Variants in NOX1 observed in about 807,000 individuals in gnomAD.
NOX1 encodes NADPH oxidase 1.
A neutral mutation model predicts 42.5 loss-of-function variants in NOX1; 34 were observed. That is an observed-to-expected ratio of 0.80 (90% confidence interval 0.61 to 1.07). The LOEUF (loss-of-function observed/expected upper bound fraction) is 1.07, where lower values mean the gene tolerates loss of function less well. NOX1 is among the 50% of genes least tolerant of loss of function. The probability of loss-of-function intolerance (pLI) is 0.00; values close to 1 mark genes in which losing one functional copy is unlikely to be tolerated. For missense variants in NOX1, 408 were observed against 427.0 expected (o/e 0.96, Z 0.39); for synonymous variants, 143 against 152.5 (o/e 0.94, Z 0.46).
chrX:100,862,767 G>A lies in NOX1; in HGVS notation c.391C>T (p.Gln131Ter), dbSNP rs2147916602. 1.7e-6 allele frequency: 2 copies of A among 1,198,412 alleles called. No homozygotes were observed. Among genetic ancestry groups the A allele is most frequent in the East Asian group, 5.9e-5 (2 of 33,787 alleles). The change falls in exon 5 of 13, where the codon CAG becomes TAG. Residue 131 changes from glutamine to a stop codon, truncating the protein, a stop_gained. Transcript: ENST00000372966. LOFTEE classifies it high-confidence loss of function. The part of the protein sequence containing the change: ...FNFDCYSRSR[Q>*]ATDGSLASIL... ...GAGGCAAGGGAGCCATCTGTGGCCT[G>A]TCGGCTTCTGCTATAGCAGTCAAAG...
Position 100,843,347 on chromosome X carries a change from AT to A in NOX1, c.*604del. 1.8e-6 allele frequency: 2 copies of A among 1,089,681 alleles called. No individual in the cohort carries two copies. Among genetic ancestry groups the A allele is most frequent in the Admixed American group, 7.7e-5 (2 of 26,082 alleles). The allele number at this position is 1,089,681 out of a possible 1,213,427, so 89.8% of individuals were successfully genotyped here. ...CATCAAGTGAAGAAGAAAATCCTTT[AT>A]TTTTTGATGAGCAAAAATAAGAATA... is the stretch of plus-strand genomic sequence containing the variant. On this transcript the variant is annotated 3_prime_UTR_variant, in exon 13 of 13. Coordinates refer to ENST00000372966, the MANE Select transcript of NOX1 (RefSeq NM_007052.5).
In NOX1 at chrX:100,848,705, C is replaced by A. The variant is rs1478622819; in HGVS notation, c.1493G>T (p.Gly498Val). 8.3e-7 allele frequency: 1 copy of A among 1,210,992 alleles called. No individual in the cohort carries two copies. Among genetic ancestry groups the A allele is most frequent in the East Asian group, 3.0e-5 (1 of 33,845 alleles). Residue 498 changes from glycine to valine, a missense_variant, in exon 12 of 13, where the codon GGT becomes GTT. By Grantham distance (109) the Gly-to-Val change is moderately radical. Coordinates refer to ENST00000372966, the MANE Select transcript of NOX1 (RefSeq NM_007052.5). ...CCCAAAGGAGGTTTTCTGTTTCAGACCTGTCACGATGTCAGTGGCCTTGTC... is the reference window on the plus strand; with the variant it reads ...CCCAAAGGAGGTTTTCTGTTTCAGAACTGTCACGATGTCAGTGGCCTTGTC... Reference protein sequence around the residue: ...NFDKATDIVTGLKQKTSFGRP... With the variant: ...NFDKATDIVTVLKQKTSFGRP...
chrX:100,863,843 A>G (rs1169956827), intron 2 of NOX1, among the ~76,000 whole-genome samples: 11 of 112,311 alleles, frequency 9.8e-5, no homozygotes, highest in African/African-American at 1.3e-4. Flanking sequence ...ATTTATTAAC[A>G]TGAAAGAGAA....
Position 100,843,522 on chromosome X carries a change from A to G in NOX1, c.*430T>C, listed in dbSNP as rs2085050801. 1 of 1,022,027 alleles carries G rather than the reference A, an allele frequency of 9.8e-7. No homozygotes were observed. Among genetic ancestry groups the G allele is most frequent in the East Asian group, 3.8e-5 (1 of 26,456 alleles). 84.2% of individuals were successfully genotyped at this position (1,022,027 alleles called of 1,213,427 possible). A position where few individuals can be genotyped will look rare whatever the true frequency, so the allele number is the denominator to read the frequency against. On this transcript the variant is annotated 3_prime_UTR_variant, in exon 13 of 13. Coordinates refer to ENST00000372966, the MANE Select transcript of NOX1 (RefSeq NM_007052.5). ...ATCATTAATTATTCAATAAATTTTT[A>G]TTTAAAAAGTCACCCTACTTAGAAA...
chrX:100,846,927 G>GT (rs1556120183), intron 12 of NOX1, among the ~76,000 whole-genome samples: 6 of 110,238 alleles, frequency 5.4e-5, no homozygotes, highest in African/African-American at 1.7e-4. Flanking sequence ...GGTGGCTCAT[G>GT]CTGTAATCCC....
intron 1 of NOX1, among the ~76,000 whole-genome samples, chrX:100,872,120 C>G (rs756087130): frequency 8.9e-6 from 1 of 111,980 alleles, no homozygotes; most frequent in South Asian, 3.7e-4. Context: ...TGTGTCACCA[C>G]CGAACCTGCT....
At chrX:100,867,563 A>G (rs1426816415) in intron 2 of NOX1, among the ~76,000 whole-genome samples, 2 of 111,886 alleles carry the variant, frequency 1.8e-5, no homozygotes, top group Non-Finnish European at 3.8e-5. Context: ...GAATGTTTAA[A>G]TAAATTATGG....
intron 7 of NOX1, among the ~76,000 whole-genome samples, chrX:100,853,312 T>TC (rs1569445649): frequency 2.8e-4 from 24 of 86,394 alleles, no homozygotes; most frequent in African/African-American, 1.0e-3. Flanking sequence ...CTTTCTTTCT[T>TC]TCTTTCTTTC....
Position 100,848,724 on chromosome X carries a change from C to A in NOX1, c.1474G>T (p.Ala492Ser), listed in dbSNP as rs778770132. ...VGHAALNFDK[A>S]TDIVTGLKQK... Reference sequence around the variant, plus strand: ...TTCAGACCTGTCACGATGTCAGTGGCCTTGTCAAAGTTTAATGCTGCATGA... The same window carrying A: ...TTCAGACCTGTCACGATGTCAGTGGACTTGTCAAAGTTTAATGCTGCATGA... Residue 492 changes from alanine to serine, a missense_variant, in exon 12 of 13, where the codon GCC (alanine) becomes TCC (serine). By Grantham distance (99) the Ala-to-Ser change is moderately conservative (BLOSUM62 1). Transcript: ENST00000372966. 9.9e-6 allele frequency: 12 copies of A among 1,209,859 alleles called. No individual in the cohort carries two copies. The East Asian group carries it at 3.3e-4, about 33-fold the overall frequency.
intron 7 of NOX1, 120 bp downstream of exon 7, chrX:100,862,051 A>G: frequency 2.4e-6 from 2 of 839,979 alleles, no homozygotes; most frequent in South Asian, 2.9e-5. Flanking sequence ...GATATCCTTC[A>G]TAAGACCCAG....
At chrX:100,850,922 C>G (rs747386201) in intron 8 of NOX1, among the ~76,000 whole-genome samples, 1 of 111,336 alleles carries the variant, frequency 9.0e-6, no homozygotes, top group Admixed American at 9.6e-5. Context: ...TCACTGCAAC[C>G]TCTGCCTCCC....
chrX:100,873,934 C>CCT (rs1301576071), intron 1 of NOX1, among the ~76,000 whole-genome samples, 161 bp downstream of exon 1: 3 of 112,429 alleles, frequency 2.7e-5, no homozygotes, highest in Non-Finnish European at 5.6e-5. Context: ...TTGCCTCTGT[C>CCT]CTCTCATCTG....
chrX:100,851,731 A>G (rs1434178156), intron 7 of NOX1, among the ~76,000 whole-genome samples: 1 of 111,343 alleles, frequency 9.0e-6, no homozygotes, highest in Admixed American at 9.6e-5. Flanking sequence ...TGGGCAACAT[A>G]GCGAAACCCT....
intron 7 of NOX1, among the ~76,000 whole-genome samples, chrX:100,860,581 C>T (rs1279270991): frequency 9.0e-6 from 1 of 111,539 alleles, no homozygotes; most frequent in Non-Finnish European, 1.9e-5. Flanking sequence ...GATATATCTC[C>T]ATTTCTGAGA....
chrX:100,863,358 C>A (rs902089246), intron 3 of NOX1, 115 bp from the exon 4 acceptor site: 1 of 926,912 alleles, frequency 1.1e-6, no homozygotes, highest in Admixed American at 2.3e-5. Context: ...CACTAACCCA[C>A]CCCCTTAGCT....
In NOX1 at chrX:100,849,901, A is replaced by C; in HGVS notation, c.1167T>G (p.Ser389Arg). Residue 389 changes from serine (S) to arginine (R), a missense_variant, in exon 10 of 13, where the codon AGT becomes AGG. By Grantham distance (110) the Ser-to-Arg change is moderately radical. Coordinates refer to ENST00000372966, the MANE Select transcript of NOX1 (RefSeq NM_007052.5). Reference sequence around the variant, plus strand: ...CCACTTCATACTGGAAAACATCCTCACTGGCTGTGCCAAAGGGACCATCCA... The same window carrying C: ...CCACTTCATACTGGAAAACATCCTCCCTGGCTGTGCCAAAGGGACCATCCA... ...IEVDGPFGTA[S>R]EDVFQYEVAV... 8.3e-7 allele frequency: 1 copy of C among 1,206,911 alleles called. No homozygotes were observed. Among genetic ancestry groups the C allele is most frequent in the Non-Finnish European group, 1.1e-6 (1 of 893,543 alleles).
intron 1 of NOX1, 79 bp from the exon 2 acceptor site, chrX:100,870,893 C>T: frequency 3.2e-6 from 2 of 618,705 alleles, no homozygotes; most frequent in Non-Finnish European, 5.1e-6. Flanking sequence ...ATAGGGATAG[C>T]AATAGTGTCG....
At position 100,851,287 on chromosome X, in the gene NOX1, G is replaced by A. The variant is rs143748762; in HGVS notation, c.843C>T (p.Ile281=). The change falls in exon 8 of 13, where the codon ATC becomes ATT. Residue 281 remains isoleucine (I), a synonymous_variant. Transcript: ENST00000372966. ...KWILAPVILY[I]CERILRFYRS... ...GGTAAAACCGGAGGATCCTTTCACAGATATAAAGAATGACCGGTGCAAGGA... is the reference window on the plus strand; with the variant it reads ...GGTAAAACCGGAGGATCCTTTCACAAATATAAAGAATGACCGGTGCAAGGA... 1,344 of 1,196,656 alleles carry A rather than the reference G, an allele frequency of 1.1e-3. 1 individual carries two copies. Among genetic ancestry groups the A allele is most frequent in the Non-Finnish European group, 1.5e-3 (1,292 of 885,979 alleles).
At chrX:100,849,464 A>G (rs764694734) in intron 10 of NOX1, 38 bp from the exon 11 acceptor site, 10 of 1,176,611 alleles carry the variant, frequency 8.5e-6, no homozygotes, top group Non-Finnish European at 1.1e-5. Context: ...TTATTAGGTG[A>G]CCTTAAAAGT....
Sources: allele counts gnomAD v4.1 joint callset (sites outside exome capture counted in the v4.1 genomes callset), GRCh38; gene constraint gnomAD v4.1.1; transcripts MANE v1.5; gene names NCBI Gene and HGNC (gene_info 2026-07-23, HGNC 2026-07-21).